Variants in SIL1 observed in about 807,000 individuals in gnomAD.
The protein encoded by SIL1 is SIL1 nucleotide exchange factor, also known as nucleotide exchange factor SIL1.
In SIL1, 40 loss-of-function variants were observed where a neutral mutation model predicts 49.1. The ratio of observed to expected loss-of-function variants is 0.81; its 90% CI spans 0.63 to 1.06. The LOEUF (loss-of-function observed/expected upper bound fraction) is 1.06. SIL1 is among the 50% of genes least tolerant of loss of function. The pLI is 0.00. For synonymous variants in SIL1, 253 were observed against 250.8 expected (o/e 1.01, Z -0.08); for missense variants, 500 against 572.6 (o/e 0.87, Z 1.29).
At chr5:139,009,941 T>C (rs1768214963) in intron 7 of SIL1, among the ~76,000 whole-genome samples, 1 of 151,916 alleles carries the variant, frequency 6.6e-6, no homozygotes, top group African/African-American at 2.4e-5. Context: ...ATTATGTGTC[T>C]TGGAGTTGCT....
intron 5 of SIL1, among the ~76,000 whole-genome samples, chr5:139,029,093 T>C (rs980458641): frequency 2.6e-5 from 4 of 152,226 alleles, no homozygotes; most frequent in Middle Eastern, 3.2e-3. Flanking sequence ...CTGGGCAATA[T>C]AGTGAGACTC....
chr5:138,977,328 C>T (rs1184745035), intron 7 of SIL1, among the ~76,000 whole-genome samples: 2 of 152,140 alleles, frequency 1.3e-5, no homozygotes, highest in Admixed American at 1.3e-4. Context: ...CACCCAAAAT[C>T]CTGATGAGAG....
intron 5 of SIL1, among the ~76,000 whole-genome samples, chr5:139,038,748 C>T (rs774241826): frequency 1.3e-5 from 2 of 152,168 alleles, no homozygotes; most frequent in East Asian, 1.9e-4. Flanking sequence ...GCGGGAGAAT[C>T]GAGCACTGTT....
chr5:139,154,009 C>T (rs1751359067), intron 1 of SIL1, among the ~76,000 whole-genome samples: 1 of 152,190 alleles, frequency 6.6e-6, no homozygotes, highest in Non-Finnish European at 1.5e-5. Flanking sequence ...TTCTTTCTGG[C>T]TTCTGCTTTC....
chr5:139,197,808 A>G (rs879425583), intron 1 of SIL1, among the ~76,000 whole-genome samples: 1 of 152,178 alleles, frequency 6.6e-6, no homozygotes, highest in Admixed American at 6.5e-5. Context: ...GATAACACTA[A>G]CCAGTCTGTA....
intron 7 of SIL1, among the ~76,000 whole-genome samples, chr5:139,003,832 T>G (rs1768048297): frequency 6.6e-6 from 1 of 152,180 alleles, no homozygotes; most frequent in Admixed American, 6.5e-5. Flanking sequence ...CTTCAATAAA[T>G]GAATTATACT....
rs1767184494 is a variant in SIL1 at position 138,968,040 on chromosome 5, G to A, written c.768-16156C>T. ...CAAGTCTTAACCTGGAAGGGAAAAT[G>A]AAGGGCCTGGCCACTGGGCTATAAC... On this transcript the variant is annotated intron_variant, in intron 7 of 9. Transcript: ENST00000394817. Among the ~76,000 whole-genome samples, 3 of 152,172 alleles carry A rather than the reference G, an allele frequency of 2.0e-5. No homozygotes were observed. The South Asian group carries it at 6.2e-4, about 32-fold the overall frequency.
chr5:139,042,809 G>T, intron 4 of SIL1, 90 bp from the exon 5 acceptor site: 1 of 1,142,128 alleles, frequency 8.8e-7, no homozygotes, highest in Non-Finnish European at 1.3e-6. Context: ...TGGCCAAGAT[G>T]GAAGGATACC....
Position 139,025,099 on chromosome 5 carries a change from A to G in SIL1, c.645+1702T>C, listed in dbSNP as rs140402251. 2.0e-5 allele frequency among the ~76,000 whole-genome samples: 3 copies of G among 152,360 alleles called. No individual in the cohort carries two copies. In the East Asian group the frequency reaches 5.8e-4, roughly 29 times the overall value. ...TTATGCTTGTCTATCTGCTTCTGCT[A>G]GAAGGTTAAGCCCTAATTTTGTTCA... On this transcript the variant is annotated intron_variant, in intron 6 of 9. Coordinates refer to ENST00000394817, the MANE Select transcript of SIL1 (RefSeq NM_022464.5).
chr5:139,005,288 G>A (rs949314766), intron 7 of SIL1, among the ~76,000 whole-genome samples: 4 of 151,710 alleles, frequency 2.6e-5, no homozygotes, highest in Admixed American at 6.6e-5. Flanking sequence ...TTCTAGTTGT[G>A]TCATTTTCTA....
chr5:139,135,625 T>A (rs1750958092), intron 1 of SIL1, among the ~76,000 whole-genome samples: 1 of 146,956 alleles, frequency 6.8e-6, no homozygotes, highest in Admixed American at 7.0e-5. Flanking sequence ...TTCTCTGTAC[T>A]CCCAGAGGTG....
At chr5:139,175,186 G>C (rs1751854461) in intron 1 of SIL1, among the ~76,000 whole-genome samples, 1 of 152,118 alleles carries the variant, frequency 6.6e-6, no homozygotes, top group African/African-American at 2.4e-5. Context: ...AGCTGGCATG[G>C]TGGCACGCGC....
intron 1 of SIL1, 92 bp from the exon 2 acceptor site, chr5:139,127,945 T>C (rs1173198064): frequency 1.3e-6 from 1 of 790,478 alleles, no homozygotes; most frequent in Non-Finnish European, 2.2e-6. Flanking sequence ...CTTGCTCACA[T>C]GTCAGACATT....
At chr5:139,093,210 C>T (rs899004740) in intron 3 of SIL1, among the ~76,000 whole-genome samples, 1 of 152,206 alleles carries the variant, frequency 6.6e-6, no homozygotes, top group Admixed American at 6.5e-5. Flanking sequence ...TGCCTTTGGC[C>T]ACGTATGCCA....
At chr5:139,125,394 G>A (rs1215985923) in intron 2 of SIL1, among the ~76,000 whole-genome samples, 6 of 152,196 alleles carry the variant, frequency 3.9e-5, no homozygotes, top group Non-Finnish European at 7.3e-5. Context: ...ATCCGAATAA[G>A]AGATTCTTAA....
chr5:139,062,537 C>T (rs1769615308), intron 3 of SIL1, among the ~76,000 whole-genome samples: 1 of 152,104 alleles, frequency 6.6e-6, no homozygotes, highest in Non-Finnish European at 1.5e-5. Flanking sequence ...ACCCTTGCAC[C>T]ACTACCCCAC....
intron 7 of SIL1, among the ~76,000 whole-genome samples, chr5:139,015,067 G>A (rs751719349): frequency 5.3e-5 from 8 of 152,092 alleles, no homozygotes; most frequent in South Asian, 2.1e-4. Context: ...AAACAGCACC[G>A]TCCACTCAGC....
At chr5:139,150,048 C>G (rs1751267443) in intron 1 of SIL1, among the ~76,000 whole-genome samples, 1 of 152,238 alleles carries the variant, frequency 6.6e-6, no homozygotes, top group Non-Finnish European at 1.5e-5. Context: ...ATTATGAATT[C>G]ATTCCTGGCA....
chr5:139,163,141 G>A (rs972675250), intron 1 of SIL1, among the ~76,000 whole-genome samples: 14 of 151,848 alleles, frequency 9.2e-5, no homozygotes, highest in Admixed American at 1.3e-4. Flanking sequence ...GGCAGGGATC[G>A]GAATATGAAA....
Sources: gnomAD v4.1 joint callset for allele counts (sites outside exome capture counted in the v4.1 genomes callset) on GRCh38, gnomAD v4.1.1 for gene constraint, MANE v1.5 for transcripts, NCBI Gene and HGNC (gene_info 2026-07-23, HGNC 2026-07-21) for gene names.